Variants in FRK observed in about 807,000 individuals in gnomAD.
The protein encoded by FRK is tyrosine-protein kinase FRK.
In FRK, 51 loss-of-function variants were observed where a neutral mutation model predicts 56.4. The ratio of observed to expected loss-of-function variants is 0.90; its 90% CI spans 0.72 to 1.14. The LOEUF (loss-of-function observed/expected upper bound fraction) is 1.14. FRK is among the 50% of genes most tolerant of loss of function. The pLI is 0.00. For synonymous variants in FRK, 245 were observed against 217.9 expected (o/e 1.12, Z -1.10); for missense variants, 570 against 601.4 (o/e 0.95, Z 0.55).
At chr6:116,093,715 A>T in the FRK span, among the ~76,000 whole-genome samples, 1 of 152,194 alleles carries the variant, frequency 6.6e-6, no homozygotes, top group African/African-American at 2.4e-5. Flanking sequence ...AGGAAAAATG[A>T]ATTATGCAAT....
chr6:116,001,446 G>C (rs1775062714), intron 2 of FRK, among the ~76,000 whole-genome samples: 1 of 152,110 alleles, frequency 6.6e-6, no homozygotes, highest in South Asian at 2.1e-4. Flanking sequence ...GTGGCTAACT[G>C]GTCCTAAATT....
intron 5 of FRK, among the ~76,000 whole-genome samples, chr6:115,945,932 G>A (rs904206349): frequency 1.3e-5 from 2 of 151,996 alleles, no homozygotes; most frequent in Admixed American, 6.6e-5. Flanking sequence ...ATTTTGTGGT[G>A]ACTGACTCAT....
At chr6:116,051,721 G>C (rs1777185357) in intron 1 of FRK, among the ~76,000 whole-genome samples, 1 of 152,094 alleles carries the variant, frequency 6.6e-6, no homozygotes. Flanking sequence ...TCAATGCTAA[G>C]AAGAGCTAAG....
the FRK span, among the ~76,000 whole-genome samples, chr6:116,094,329 T>C: frequency 2.6e-5 from 4 of 152,168 alleles, no homozygotes; most frequent in African/African-American, 9.7e-5. Flanking sequence ...CCGGGTACAT[T>C]TAACCATTAA....
At chr6:115,947,497 G>C (rs901668777) in intron 5 of FRK, among the ~76,000 whole-genome samples, 2 of 151,866 alleles carry the variant, frequency 1.3e-5, no homozygotes, top group African/African-American at 4.8e-5. Context: ...CCTTAGAGTT[G>C]AGCCCTGTCA....
At chr6:115,997,620 T>C (rs777852373) in intron 2 of FRK, among the ~76,000 whole-genome samples, 3 of 152,154 alleles carry the variant, frequency 2.0e-5, no homozygotes, top group Non-Finnish European at 4.4e-5. Flanking sequence ...ACATCCATCC[T>C]AGAATCTCAT....
At chr6:116,046,827 A>ATTCTTT (rs1362603105) in intron 1 of FRK, among the ~76,000 whole-genome samples, 1 of 152,022 alleles carries the variant, frequency 6.6e-6, no homozygotes, top group Admixed American at 6.6e-5. Context: ...ATCTGAGTAC[A>ATTCTTT]TTCTTTTTCT....
At chr6:115,998,274 C>A (rs1280962223) in intron 2 of FRK, among the ~76,000 whole-genome samples, 7 of 152,176 alleles carry the variant, frequency 4.6e-5, no homozygotes, top group Non-Finnish European at 1.0e-4. Flanking sequence ...ATCTCTCATC[C>A]ATTCTCAACA....
chr6:115,931,454 C>T lies in FRK; in HGVS notation c.*10960G>A, dbSNP rs189692994. On this transcript the variant is annotated 3_prime_UTR_variant, in exon 8 of 8. Transcript: ENST00000606080. ...AGGTCTTCTTTAATCCCTGTTGCTACATATAAATTAGTCATATGTAATATG... is the reference window on the plus strand; with the variant it reads ...AGGTCTTCTTTAATCCCTGTTGCTATATATAAATTAGTCATATGTAATATG... The T allele has an allele frequency of 6.6e-4, 101 of 152,144 alleles. No individual in the cohort carries two copies. Among genetic ancestry groups the T allele is most frequent in the Middle Eastern group, 6.8e-3 (2 of 294 alleles). The allele number at this position is 152,144 out of a possible 1,614,324, so 9.4% of individuals were successfully genotyped here.
At chr6:116,001,269 T>C (rs1287347727) in intron 2 of FRK, among the ~76,000 whole-genome samples, 2 of 151,650 alleles carry the variant, frequency 1.3e-5, no homozygotes, top group African/African-American at 4.8e-5. Flanking sequence ...AAATGGAGCT[T>C]GGATCCATGT....
chr6:116,046,180 G>A (rs1776950876), intron 1 of FRK, among the ~76,000 whole-genome samples: 1 of 152,196 alleles, frequency 6.6e-6, no homozygotes, highest in Non-Finnish European at 1.5e-5. Context: ...TACACCGTTG[G>A]TGGGAGTCTA....
intron 4 of FRK, among the ~76,000 whole-genome samples, chr6:115,966,395 C>A (rs1387869839): frequency 6.6e-6 from 1 of 152,202 alleles, no homozygotes; most frequent in East Asian, 1.9e-4. Context: ...AAACTATGAA[C>A]TACTTCAAGG....
chr6:115,953,216 G>C (rs1772849544), intron 5 of FRK, among the ~76,000 whole-genome samples: 1 of 111,764 alleles, frequency 8.9e-6, no homozygotes, highest in South Asian at 3.3e-4. Context: ...TTGAGACGGA[G>C]TCTCGCTCTG....
At chr6:115,970,521 A>C (rs1202686362) in intron 2 of FRK, among the ~76,000 whole-genome samples, 1 of 152,242 alleles carries the variant, frequency 6.6e-6, no homozygotes, top group Non-Finnish European at 1.5e-5. Context: ...AGTGGAATGC[A>C]AATTTGTAAA....
At chr6:115,985,522 A>C (rs1029430955) in intron 2 of FRK, among the ~76,000 whole-genome samples, 4 of 152,140 alleles carry the variant, frequency 2.6e-5, no homozygotes, top group Admixed American at 2.6e-4. Flanking sequence ...AATGGGGTGG[A>C]TGTCCACATA....
At chr6:116,001,067 G>A (rs1367700486) in intron 2 of FRK, among the ~76,000 whole-genome samples, 2 of 151,936 alleles carry the variant, frequency 1.3e-5, no homozygotes, top group African/African-American at 2.4e-5. Flanking sequence ...GTGAAACCCC[G>A]TCCCTACTAA....
chr6:116,044,655 T>G (rs1320293242), intron 1 of FRK, among the ~76,000 whole-genome samples: 1 of 152,186 alleles, frequency 6.6e-6, no homozygotes, highest in Non-Finnish European at 1.5e-5. Flanking sequence ...CTGGAAGCAT[T>G]CCCTTTGAAA....
intron 1 of FRK, 79 bp from the exon 2 acceptor site, chr6:116,004,077 ATT>A: frequency 7.9e-7 from 1 of 1,258,992 alleles, no homozygotes; most frequent in African/African-American, 1.5e-5. Context: ...GCAAGATAGT[ATT>A]CTAATATCAA....
chr6:116,033,117 C>G (rs1168406249), intron 1 of FRK, among the ~76,000 whole-genome samples: 1 of 152,002 alleles, frequency 6.6e-6, no homozygotes, highest in African/African-American at 2.4e-5. Context: ...ACTGTGTTCT[C>G]CAGACTCTAT....
Sources: gnomAD v4.1 joint callset for allele counts (sites outside exome capture counted in the v4.1 genomes callset) on GRCh38, gnomAD v4.1.1 for gene constraint, MANE v1.5 for transcripts, NCBI Gene and HGNC (gene_info 2026-07-23, HGNC 2026-07-21) for gene names.